INPP5A: variants seen among roughly 807,000 people sequenced by gnomAD.
The protein encoded by INPP5A is 43 kDa inositol polyphosphate 5-phophatase.
Under a neutral mutation model 65.2 loss-of-function variants are expected in INPP5A, and 14 were observed. That is an observed-to-expected ratio of 0.21 (90% CI 0.14 to 0.34). INPP5A has a LOEUF of 0.34. Ranked by LOEUF, INPP5A falls within the 10% of genes least tolerant of loss-of-function variation. The probability of loss-of-function intolerance (pLI) is 1.00; values close to 1 mark genes in which losing one functional copy is unlikely to be tolerated. For missense variants in INPP5A, 431 were observed against 545.6 expected (o/e 0.79, Z 2.09); for synonymous variants, 207 against 208.3 (o/e 0.99, Z 0.05).
At chr10:132,748,758 G>A (rs1846418021) in intron 9 of INPP5A, among the ~76,000 whole-genome samples, 1 of 152,226 alleles carries the variant, frequency 6.6e-6, no homozygotes, top group Admixed American at 6.5e-5. Context: ...CTCCTCTGCT[G>A]CCCAGATGAC....
chr10:132,766,976 C>G (rs375702366), intron 12 of INPP5A, among the ~76,000 whole-genome samples: 2 of 85,454 alleles, frequency 2.3e-5, no homozygotes, highest in African/African-American at 1.0e-4. Context: ...GATGTGGCCT[C>G]GGAGCTTGGG....
chr10:132,691,921 C>T (rs375256962), intron 5 of INPP5A, among the ~76,000 whole-genome samples: 71 of 148,938 alleles, frequency 4.8e-4, no homozygotes, highest in African/African-American at 1.5e-3. Flanking sequence ...CGTGTGGTCG[C>T]GGGGTGTGCG....
At chr10:132,733,407 G>A (rs1043837830) in intron 9 of INPP5A, among the ~76,000 whole-genome samples, 1 of 152,184 alleles carries the variant, frequency 6.6e-6, no homozygotes, top group African/African-American at 2.4e-5. Flanking sequence ...AAATCTCACT[G>A]AAAAATGACC....
rs1417418517 is a variant in INPP5A at position 132,704,671 on chromosome 10, G to T, written c.475-3642G>T. Among the ~76,000 whole-genome samples the T allele has an allele frequency of 1.3e-5, 2 of 152,100 alleles. No individual in the cohort carries two copies. Among genetic ancestry groups the T allele is most frequent in the Non-Finnish European group, 2.9e-5 (2 of 68,014 alleles). On this transcript the variant is annotated intron_variant, in intron 6 of 15. Coordinates refer to ENST00000368594, the MANE Select transcript of INPP5A (RefSeq NM_005539.5). The surrounding 1 kb of genome is among the most constrained non-coding windows in gnomAD (Gnocchi z 4.5). ...ATCCTGTGCGTGGCTGGGCCGTGGG[G>T]GGGCAGTGGCTGTTCCAGGTGGGCC... is the stretch of plus-strand genomic sequence containing the variant.
At chr10:132,681,298 C>T (rs1156257173) in intron 4 of INPP5A, among the ~76,000 whole-genome samples, 3 of 152,162 alleles carry the variant, frequency 2.0e-5, no homozygotes, top group African/African-American at 7.2e-5. Context: ...GGTCCCCTTC[C>T]ACACTGTGGA....
intron 9 of INPP5A, among the ~76,000 whole-genome samples, chr10:132,734,821 G>C (rs143838220): frequency 6.6e-6 from 1 of 152,208 alleles, no homozygotes; most frequent in Non-Finnish European, 1.5e-5. Flanking sequence ...CATTTTAAAG[G>C]AGAGGGAGTG....
rs559629435 is a variant in INPP5A at position 132,644,568 on chromosome 10, G to A, written c.118-1300G>A. The stretch of plus-strand genomic sequence containing the variant: ...CACAGCTCCACCTGGCTCACAGTGA[G>A]TGCCGTGTCGTCGTGAGCACCTCCA... On this transcript the variant is annotated intron_variant, in intron 2 of 15. Coordinates refer to ENST00000368594, the MANE Select transcript of INPP5A (RefSeq NM_005539.5). This position sits in a 1 kb window ranked among gnomAD's most constrained non-coding sequence, Gnocchi z 6.5. 6.6e-6 allele frequency among the ~76,000 whole-genome samples: 1 copy of A among 152,382 alleles called. No homozygotes were observed. Among genetic ancestry groups the A allele is most frequent in the South Asian group, 2.1e-4 (1 of 4,828 alleles).
intron 2 of INPP5A, among the ~76,000 whole-genome samples, chr10:132,609,225 C>T (rs746673869): frequency 6.6e-6 from 1 of 152,210 alleles, no homozygotes; most frequent in East Asian, 1.9e-4. Context: ...ATTTACAAAT[C>T]GAAATAATAG....
At chr10:132,778,369 C>G (rs143196706) in intron 13 of INPP5A, among the ~76,000 whole-genome samples, 2,563 of 130,052 alleles carry the variant, frequency 0.02, 39 homozygotes, top group South Asian at 0.044. Context: ...GCTACATTGG[C>G]CAGGCTGGTC....
At chr10:132,775,599 A>G (rs1273450439) in intron 12 of INPP5A, among the ~76,000 whole-genome samples, 1 of 152,072 alleles carries the variant, frequency 6.6e-6, no homozygotes, top group East Asian at 1.9e-4. Context: ...GTTGCCCCCA[A>G]CAGCCTGGCC....
At chr10:132,688,584 A>G (rs1001575627) in intron 4 of INPP5A, among the ~76,000 whole-genome samples, 3 of 152,196 alleles carry the variant, frequency 2.0e-5, no homozygotes, top group African/African-American at 7.2e-5. Flanking sequence ...AAACAAAGCA[A>G]GAGTGCATGA....
chr10:132,572,974 G>A (rs982537202), intron 1 of INPP5A, among the ~76,000 whole-genome samples: 10 of 151,722 alleles, frequency 6.6e-5, no homozygotes, highest in Admixed American at 2.0e-4. Flanking sequence ...TGTACGTGCC[G>A]TGTGAGGTTT....
At chr10:132,767,473 G>T (rs921777511) in intron 12 of INPP5A, among the ~76,000 whole-genome samples, 16 of 152,334 alleles carry the variant, frequency 1.1e-4, no homozygotes, top group African/African-American at 3.8e-4. Context: ...CCAGAAGGCA[G>T]TGGTGGCCCA....
At chr10:132,684,096 A>G (rs1486060674) in intron 4 of INPP5A, among the ~76,000 whole-genome samples, 1 of 152,266 alleles carries the variant, frequency 6.6e-6, no homozygotes, top group Non-Finnish European at 1.5e-5. Flanking sequence ...GTATCACGCC[A>G]TAGGACATTT....
intron 8 of INPP5A, among the ~76,000 whole-genome samples, chr10:132,723,210 C>G (rs555092396): frequency 1.3e-5 from 2 of 152,346 alleles, no homozygotes; most frequent in East Asian, 3.9e-4. Flanking sequence ...GCGGCTTTCT[C>G]GGGAAGAAGG....
chr10:132,577,596 C>T (rs1211867322), intron 1 of INPP5A, among the ~76,000 whole-genome samples: 1 of 152,208 alleles, frequency 6.6e-6, no homozygotes, highest in Non-Finnish European at 1.5e-5. Context: ...TGGAAAGTGG[C>T]AGCTCTTAGA....
rs1001075679 is a variant in INPP5A at position 132,674,861 on chromosome 10, A to AG, written c.307-15528dup. 6.6e-6 allele frequency among the ~76,000 whole-genome samples: 1 copy of AG among 152,240 alleles called. No individual in the cohort carries two copies. Among genetic ancestry groups the AG allele is most frequent in the African/African-American group, 2.4e-5 (1 of 41,462 alleles). On this transcript the variant is annotated intron_variant, in intron 4 of 15. Coordinates refer to ENST00000368594, the MANE Select transcript of INPP5A (RefSeq NM_005539.5). The surrounding 1 kb of genome is among the most constrained non-coding windows in gnomAD (Gnocchi z 4.4). ...AGAGTAGTTACCTGCAGAAGATGGC[A>AG]GGGCCTCACTCCAAAATCCTAGAGG...
At chr10:132,775,020 G>C in intron 12 of INPP5A, among the ~76,000 whole-genome samples, 1 of 42,714 alleles carries the variant, frequency 2.3e-5, no homozygotes. Context: ...AGGAGGGGCA[G>C]GGAGGAGGGG....
At chr10:132,711,933 G>A (rs1238096721) in intron 8 of INPP5A, among the ~76,000 whole-genome samples, 1 of 152,222 alleles carries the variant, frequency 6.6e-6, no homozygotes, top group African/African-American at 2.4e-5. Context: ...AAGACAGTGG[G>A]AGGAGCAGTC....
Sources: allele counts gnomAD v4.1 joint callset (sites outside exome capture counted in the v4.1 genomes callset), GRCh38; gene constraint gnomAD v4.1.1; non-coding constraint Gnocchi (gnomAD v3.1); transcripts MANE v1.5; gene names NCBI Gene and HGNC (gene_info 2026-07-23, HGNC 2026-07-21).